The following ACYP1 variants were observed in gnomAD, a reference collection of about 807,000 sequenced individuals.
ACYP1 encodes the protein acylphosphatase 1, also known as acylphosphatase-1.
Under a neutral mutation model 10.4 loss-of-function variants are expected in ACYP1, and 8 were observed. The observed-to-expected ratio is 0.77, with a 90% CI of 0.45 to 1.38. The LOEUF (loss-of-function observed/expected upper bound fraction) is 1.38, where lower values mean the gene tolerates loss of function less well. Among genes scored for constraint, ACYP1 ranks in the 40% most tolerant of loss-of-function variants. The pLI, the probability that ACYP1 is intolerant of heterozygous loss-of-function variation, is 0.00. For synonymous variants in ACYP1, 38 were observed against 40.8 expected (o/e 0.93, Z 0.26); for missense variants, 93 against 117.3 (o/e 0.79, Z 0.96).
At chr14:75,055,552 C>T (rs1266381623) in intron 2 of ACYP1, among the ~76,000 whole-genome samples, 1 of 151,420 alleles carries the variant, frequency 6.6e-6, no homozygotes, top group Non-Finnish European at 1.5e-5. Flanking sequence ...ATTGCACCAA[C>T]AGGGTTTTTC....
chr14:75,061,068 A>C (rs1434625867), intron 2 of ACYP1, among the ~76,000 whole-genome samples: 1 of 134,926 alleles, frequency 7.4e-6, no homozygotes, highest in Non-Finnish European at 1.6e-5. Context: ...CAGAGTTGAG[A>C]CTCTGTCTCA....
At chr14:75,063,806 T>C (rs1448087795) in intron 1 of ACYP1, 148 bp downstream of exon 1, 15 of 711,168 alleles carry the variant, frequency 2.1e-5, no homozygotes, top group Non-Finnish European at 2.9e-5. Context: ...GGAAATAACC[T>C]GAGGACCGAT....
At chr14:75,066,026 A>C (rs1460912583), upstream of ACYP1, among the ~76,000 whole-genome samples, 1 of 152,160 alleles carries the variant, frequency 6.6e-6, no homozygotes, top group Non-Finnish European at 1.5e-5. Context: ...ATCTTTGGGG[A>C]AGCTTTAAAA....
intron 2 of ACYP1, among the ~76,000 whole-genome samples, chr14:75,061,076 TCAACAA>T (rs75596450): frequency 1.2e-3 from 180 of 150,364 alleles, no homozygotes; most frequent in South Asian, 3.4e-3. Context: ...AGACTCTGTC[TCAACAA>T]CAACAACAAC....
chr14:75,058,534 G>A (rs1892940792), intron 2 of ACYP1, among the ~76,000 whole-genome samples: 1 of 151,128 alleles, frequency 6.6e-6, no homozygotes, highest in South Asian at 2.1e-4. Flanking sequence ...CCCAGGAAGA[G>A]CATTAATCTA....
upstream of ACYP1, among the ~76,000 whole-genome samples, chr14:75,068,617 G>A (rs1893207045): frequency 6.6e-6 from 1 of 151,928 alleles, no homozygotes; most frequent in East Asian, 1.9e-4. Flanking sequence ...GGAAGCTGTG[G>A]GAGTTGATAA....
upstream of ACYP1, among the ~76,000 whole-genome samples, chr14:75,068,362 A>G (rs1418175442): frequency 6.6e-6 from 1 of 152,172 alleles, no homozygotes; most frequent in East Asian, 1.9e-4. Context: ...AAAACAAAAC[A>G]AAAATGCAGG....
chr14:75,063,309 C>A, intron 2 of ACYP1, 161 bp downstream of exon 2: 1 of 619,302 alleles, frequency 1.6e-6, no homozygotes, highest in Non-Finnish European at 2.9e-6. Flanking sequence ...CCATGTTTTA[C>A]CGATTGCACA....
chr14:75,068,152 G>A (rs1893185192), upstream of ACYP1, among the ~76,000 whole-genome samples: 1 of 151,030 alleles, frequency 6.6e-6, no homozygotes, highest in African/African-American at 2.4e-5. Context: ...TTAGCCAGGT[G>A]TAGTGGCAGA....
intron 2 of ACYP1, among the ~76,000 whole-genome samples, chr14:75,062,271 A>G (rs959460076): frequency 7.6e-5 from 11 of 144,506 alleles, no homozygotes; most frequent in South Asian, 4.3e-4. Context: ...TTAAAAGAGA[A>G]AAAAAAAAAA....
At chr14:75,068,486 GA>G (rs1893200578), upstream of ACYP1, among the ~76,000 whole-genome samples, 1 of 151,538 alleles carries the variant, frequency 6.6e-6, no homozygotes, top group African/African-American at 2.4e-5. Flanking sequence ...GGGAAGGAGA[GA>G]GAGAGAGGAG....
intron 2 of ACYP1, among the ~76,000 whole-genome samples, chr14:75,058,152 T>C (rs1230805782): frequency 6.7e-6 from 1 of 149,684 alleles, no homozygotes; most frequent in African/African-American, 2.5e-5. Context: ...CAGGCTCTTT[T>C]TAACAACCAG....
chr14:75,064,605 G>A (rs1442378656), upstream of ACYP1, among the ~76,000 whole-genome samples: 4 of 152,130 alleles, frequency 2.6e-5, no homozygotes, highest in Admixed American at 2.6e-4. Context: ...ATGGTGGCGG[G>A]CGCCTGTAAT....
chr14:75,066,286 A>G (rs1893140939), upstream of ACYP1, among the ~76,000 whole-genome samples: 1 of 152,238 alleles, frequency 6.6e-6, no homozygotes, highest in South Asian at 2.1e-4. Flanking sequence ...AATTAGCTTG[A>G]TTTAATCACT....
At chr14:75,057,745 G>A (rs1892909978) in intron 2 of ACYP1, among the ~76,000 whole-genome samples, 1 of 150,494 alleles carries the variant, frequency 6.6e-6, no homozygotes, top group South Asian at 2.1e-4. Flanking sequence ...GAGGTGGGGG[G>A]ATCATGAGGT....
chr14:75,055,941 A>C (rs1472504167), intron 2 of ACYP1, among the ~76,000 whole-genome samples: 1 of 151,620 alleles, frequency 6.6e-6, no homozygotes, highest in African/African-American at 2.4e-5. Context: ...AGACATTACC[A>C]CCAACCTTAC....
intron 2 of ACYP1, 88 bp downstream of exon 2, chr14:75,063,382 G>A (rs2139659848): frequency 2.8e-6 from 3 of 1,056,104 alleles, no homozygotes; most frequent in South Asian, 1.3e-5. Context: ...AATAGCCAGC[G>A]GCTTCTAGTT....
intron 2 of ACYP1, chr14:75,061,679 C>T (rs1224478563): frequency 6.3e-7 from 1 of 1,581,672 alleles, no homozygotes. Flanking sequence ...TTTACAGGAA[C>T]TTACCTGCAT....
Position 75,063,503 on chromosome 14 carries a change from C to T in ACYP1, c.51G>A (p.Lys17=). ...LISVDYEIFG[K]VQGVFFRKHT... ...GCTTACGGAAAAACACCCCTTGCAC[C>T]TTCCCAAAAATTTCATAATCCACTG... The change falls in exon 2 of 3, where the codon AAG becomes AAA. Residue 17 remains lysine (K), a synonymous_variant. Coordinates refer to ENST00000238618, the MANE Select transcript of ACYP1 (RefSeq NM_001107.5). The T allele has an allele frequency of 6.2e-7, 1 of 1,613,926 alleles. No homozygotes were observed. Among genetic ancestry groups the T allele is most frequent in the Non-Finnish European group, 8.5e-7 (1 of 1,179,920 alleles).
Sources: allele counts gnomAD v4.1 joint callset (sites outside exome capture counted in the v4.1 genomes callset), GRCh38; gene constraint gnomAD v4.1.1; transcripts MANE v1.5; gene names NCBI Gene and HGNC (gene_info 2026-07-23, HGNC 2026-07-21).